Variants in ENTPD3 observed in about 807,000 individuals in gnomAD.
ENTPD3 encodes ectonucleoside triphosphate diphosphohydrolase 3, also known as CD39 antigen-like 3.
A neutral mutation model predicts 51.2 loss-of-function variants in ENTPD3; 60 were observed. The ratio of observed to expected loss-of-function variants is 1.17; its 90% CI spans 0.95 to 1.45. The LOEUF (loss-of-function observed/expected upper bound fraction) is 1.45. ENTPD3 is among the 40% of genes most tolerant of loss of function. The pLI, the probability that ENTPD3 is intolerant of heterozygous loss-of-function variation, is 0.00. For missense variants in ENTPD3, 593 were observed against 641.1 expected (o/e 0.93, Z 0.81); for synonymous variants, 221 against 238.4 (o/e 0.93, Z 0.67).
At chr3:40,422,529 C>A (rs1344289738) in intron 7 of ENTPD3, among the ~76,000 whole-genome samples, 1 of 136,066 alleles carries the variant, frequency 7.3e-6, no homozygotes, top group Non-Finnish European at 1.6e-5. Context: ...CACAACAGTC[C>A]CCAGAGTGTG....
chr3:40,427,561 G>T lies in ENTPD3; in HGVS notation c.*53G>T. 7.2e-7 allele frequency: 1 copy of T among 1,392,510 alleles called. No individual in the cohort carries two copies. Among genetic ancestry groups the T allele is most frequent in the Non-Finnish European group, 1.0e-6 (1 of 981,924 alleles). 86.3% of individuals were successfully genotyped at this position (1,392,510 alleles called of 1,614,324 possible). ...TGGCTGCTTAGAGTCAGCCTGGGTGGCACCAGGCAATGCAGGTGAAGTGGC... is the reference window on the plus strand; with the variant it reads ...TGGCTGCTTAGAGTCAGCCTGGGTGTCACCAGGCAATGCAGGTGAAGTGGC... On this transcript the variant is annotated 3_prime_UTR_variant, in exon 11 of 11. Coordinates refer to ENST00000301825, the MANE Select transcript of ENTPD3 (RefSeq NM_001248.4).
At chr3:40,421,969 T>C (rs984530526) in intron 7 of ENTPD3, among the ~76,000 whole-genome samples, 2 of 152,162 alleles carry the variant, frequency 1.3e-5, no homozygotes, top group African/African-American at 4.8e-5. Flanking sequence ...CCTTTTGGAT[T>C]ATTTTGCTAG....
At chr3:40,406,696 G>A (rs1194376718) in intron 4 of ENTPD3, among the ~76,000 whole-genome samples, 2 of 152,064 alleles carry the variant, frequency 1.3e-5, no homozygotes, top group Non-Finnish European at 2.9e-5. Context: ...TCATGACTGG[G>A]TCCGTGGTGC....
At chr3:40,426,637 T>C (rs929012313) in intron 10 of ENTPD3, among the ~76,000 whole-genome samples, 6 of 152,186 alleles carry the variant, frequency 3.9e-5, no homozygotes, top group South Asian at 2.1e-4. Context: ...CATGGAAAGA[T>C]AGAAAGATAA....
Position 40,423,968 on chromosome 3 carries a change from G to C in ENTPD3, c.1353+5G>C. ...CAAATACACTTTGAAAAAGAAGTAA[G>C]TTAAGCACAAATCATTTTCTCTTCT... On this transcript the variant is annotated splice_donor_5th_base_variant and intron_variant, in intron 10 of 10. Transcript: ENST00000301825. The C allele has an allele frequency of 6.2e-7, 1 of 1,614,092 alleles. No individual in the cohort carries two copies. The highest frequency in any genetic ancestry group is 8.5e-7 in the Non-Finnish European group (1 of 1,179,958).
chr3:40,416,583 G>A (rs184343782), intron 7 of ENTPD3, among the ~76,000 whole-genome samples: 63 of 152,322 alleles, frequency 4.1e-4, no homozygotes, highest in Non-Finnish European at 7.1e-4. Context: ...ATTCCATCAT[G>A]TTGATCAGTA....
In ENTPD3 at chr3:40,423,987, C is replaced by A. The variant is rs772581182; in HGVS notation, c.1353+24C>A. The A allele has an allele frequency of 1.1e-5, 17 of 1,613,890 alleles. No individual in the cohort carries two copies. The South Asian group carries it at 1.9e-4, about 18-fold the overall frequency. ...AAGTAAGTTAAGCACAAATCATTTTCTCTTCTTCTTCCCAACAGAGAGGTT... is the reference window on the plus strand; with the variant it reads ...AAGTAAGTTAAGCACAAATCATTTTATCTTCTTCTTCCCAACAGAGAGGTT... On this transcript the variant is annotated intron_variant, in intron 10 of 10. Coordinates refer to ENST00000301825, the MANE Select transcript of ENTPD3 (RefSeq NM_001248.4).
chr3:40,401,652 G>C (rs1248002280), intron 4 of ENTPD3, among the ~76,000 whole-genome samples: 6 of 152,202 alleles, frequency 3.9e-5, no homozygotes, highest in Admixed American at 3.9e-4. Context: ...ACATGGCTCT[G>C]TTCCAGTAAA....
chr3:40,422,715 C>G (rs1009505305), intron 7 of ENTPD3, 135 bp from the exon 8 acceptor site: 17 of 674,662 alleles, frequency 2.5e-5, no homozygotes, highest in Non-Finnish European at 3.7e-5. Context: ...TCATAGTATT[C>G]CATGGTGTAT....
At chr3:40,393,874 C>T (rs940922488) in intron 3 of ENTPD3, among the ~76,000 whole-genome samples, 48 of 151,600 alleles carry the variant, frequency 3.2e-4, no homozygotes, top group Non-Finnish European at 8.8e-5. Flanking sequence ...GAAACCCCAT[C>T]TCTACTAAAA....
intron 2 of ENTPD3, 35 bp from the exon 3 acceptor site, chr3:40,391,988 C>A (rs757213193): frequency 2.5e-6 from 4 of 1,612,398 alleles, no homozygotes; most frequent in South Asian, 1.1e-5. Context: ...GTTTTTACCT[C>A]CCCCTCAAGT....
At chr3:40,411,284 C>A (rs1955623527) in intron 4 of ENTPD3, among the ~76,000 whole-genome samples, 2 of 139,700 alleles carry the variant, frequency 1.4e-5, no homozygotes, top group Admixed American at 7.2e-5. Context: ...GAACAAGACT[C>A]TGTCTCAGAA....
chr3:40,418,876 G>A (rs1308104469), intron 7 of ENTPD3, among the ~76,000 whole-genome samples: 2 of 151,728 alleles, frequency 1.3e-5, no homozygotes, highest in Admixed American at 6.6e-5. Context: ...TTTTATGAGA[G>A]CATAATATTC....
At chr3:40,423,762 C>T (rs1955929805) in intron 9 of ENTPD3, 64 bp from the exon 10 acceptor site, 16 of 1,578,234 alleles carry the variant, frequency 1.0e-5, no homozygotes, top group Non-Finnish European at 1.4e-5. Flanking sequence ...TGACTTTTAA[C>T]CCAAGGTGTT....
chr3:40,420,021 T>C (rs1211498184), intron 7 of ENTPD3, among the ~76,000 whole-genome samples: 1 of 152,194 alleles, frequency 6.6e-6, no homozygotes, highest in Admixed American at 6.5e-5. Flanking sequence ...AAAGAACTAA[T>C]ACTTACTAAG....
At chr3:40,414,575 A>T in intron 5 of ENTPD3, 106 bp from the exon 6 acceptor site, 2 of 1,244,934 alleles carry the variant, frequency 1.6e-6, no homozygotes, top group Non-Finnish European at 2.3e-6. Context: ...ATTCATCCCC[A>T]CCAGCAGGGA....
intron 7 of ENTPD3, among the ~76,000 whole-genome samples, chr3:40,416,919 A>G (rs1295776321): frequency 4.6e-5 from 7 of 152,188 alleles, no homozygotes; most frequent in Admixed American, 1.3e-4. Flanking sequence ...CGTTCGTCCA[A>G]CCTACTCTGA....
Position 40,408,603 on chromosome 3 carries a change from A to T in ENTPD3, c.287-3209A>T, listed in dbSNP as rs140535565. On this transcript the variant is annotated intron_variant, in intron 4 of 10. Transcript: ENST00000301825. The stretch of plus-strand genomic sequence containing the variant: ...TTTTGGAGAGAAAAACCTGTTAACT[A>T]ACCTATCTCATAGGAATATGCCTGA... 2.6e-3 allele frequency among the ~76,000 whole-genome samples: 389 copies of T among 152,358 alleles called. 2 individuals are homozygous for T. Among genetic ancestry groups the T allele is most frequent in the African/African-American group, 8.8e-3 (365 of 41,584 alleles).
At chr3:40,395,748 G>A (rs1238756243) in intron 3 of ENTPD3, among the ~76,000 whole-genome samples, 2 of 152,320 alleles carry the variant, frequency 1.3e-5, no homozygotes, top group East Asian at 3.9e-4. Flanking sequence ...GGCATATTTT[G>A]TGATCAGGTA....
Sources: allele counts gnomAD v4.1 joint callset (sites outside exome capture counted in the v4.1 genomes callset), GRCh38; gene constraint gnomAD v4.1.1; transcripts MANE v1.5; gene names NCBI Gene and HGNC (gene_info 2026-07-23, HGNC 2026-07-21).